FOXP1: variants seen among roughly 807,000 people sequenced by gnomAD.
FOXP1 encodes the protein forkhead box P1, also known as forkhead box protein P1.
In FOXP1, 15 loss-of-function variants were observed where a neutral mutation model predicts 98.2. That is an observed-to-expected ratio of 0.15 (90% CI 0.10 to 0.24). The LOEUF (loss-of-function observed/expected upper bound fraction) is 0.24. Among genes scored for constraint, FOXP1 ranks in the 10% least tolerant of loss-of-function variants. The pLI, the probability that FOXP1 is intolerant of heterozygous loss-of-function variation, is 1.00. For synonymous variants in FOXP1, 371 were observed against 314.5 expected, an observed-to-expected ratio of 1.18 and a Z score of -1.90; for missense variants, 633 against 848.5, an observed-to-expected ratio of 0.75 and a Z score of 3.15.
chr3:71,081,535 A>G (rs1204018959), intron 7 of FOXP1, among the ~76,000 whole-genome samples: 1 of 152,158 alleles, frequency 6.6e-6, no homozygotes, highest in Non-Finnish European at 1.5e-5. Context: ...CATTCTTTCC[A>G]TTGCTTCACG....
chr3:71,225,724 C>G (rs1399563037), intron 5 of FOXP1, among the ~76,000 whole-genome samples: 1 of 152,176 alleles, frequency 6.6e-6, no homozygotes, highest in East Asian at 1.9e-4. Flanking sequence ...CTTGCTTTCC[C>G]CTCCCTAGGT....
In FOXP1 at chr3:71,262,264, C is replaced by CAAAAAAAAAAAAAAAAAAAAAAAAA. The variant is rs71104433; in HGVS notation, c.-12+37531_-12+37555dup. Reference sequence around the variant, plus strand: ...CTGGCAACAGGACAAGACTCTGTCACAAAAAAAAAAAAAAAAAAAAAAAAA... The same window carrying CAAAAAAAAAAAAAAAAAAAAAAAAA: ...CTGGCAACAGGACAAGACTCTGTCACAAAAAAAAAAAAAAAAAAAAAAAAAAAAAAAAAAAAAAAAAAAAAAAAAA... On this transcript the variant is annotated intron_variant, in intron 5 of 20. Transcript: ENST00000649528. Among the ~76,000 whole-genome samples, 3 of 25,714 alleles carry CAAAAAAAAAAAAAAAAAAAAAAAAA rather than the reference C, an allele frequency of 1.2e-4. 1 individual carries two copies. The highest frequency in any genetic ancestry group is 2.1e-4 in the Non-Finnish European group (3 of 14,474). The allele number at this position is 25,714 out of a possible 152,430, so 16.9% of individuals were successfully genotyped here. A position where few individuals can be genotyped will look rare whatever the true frequency, so the allele number is the denominator to read the frequency against.
At chr3:71,441,382 A>G (rs942072448) in intron 3 of FOXP1, among the ~76,000 whole-genome samples, 2 of 152,246 alleles carry the variant, frequency 1.3e-5, no homozygotes, top group Admixed American at 6.5e-5. Context: ...CCCACAACAA[A>G]GAACTTTCTG....
At chr3:71,301,408 A>G (rs2073834780) in intron 4 of FOXP1, among the ~76,000 whole-genome samples, 1 of 152,176 alleles carries the variant, frequency 6.6e-6, no homozygotes, top group Non-Finnish European at 1.5e-5. Flanking sequence ...CTCTACACAA[A>G]TCAGAGCTCA....
chr3:71,578,532 G>A (rs1203335854), intron 2 of FOXP1, among the ~76,000 whole-genome samples: 1 of 152,132 alleles, frequency 6.6e-6, no homozygotes, highest in Admixed American at 6.5e-5. Context: ...ACAAGATAGT[G>A]TTTCAAAACT....
At chr3:71,440,238 T>C (rs116123005) in intron 3 of FOXP1, among the ~76,000 whole-genome samples, 1,879 of 152,228 alleles carry the variant, frequency 0.012, 19 homozygotes, top group Non-Finnish European at 0.019. Context: ...TTTAAGATGA[T>C]AAATTCTGTT....
At position 70,957,970 on chromosome 3, in the gene FOXP1, C is replaced by T. The variant is rs190489340; in HGVS notation, c.*1277G>A. 4.1e-6 allele frequency: 1 copy of T among 246,488 alleles called. No individual in the cohort carries two copies. Among genetic ancestry groups the T allele is most frequent in the Non-Finnish European group, 7.9e-6 (1 of 126,146 alleles). 15.3% of individuals were successfully genotyped at this position (246,488 alleles called of 1,614,324 possible). Reference sequence around the variant, plus strand: ...GCCGCCGCCACCCCTACTTTCAGGGCAGCTGCTCGGGGAAGCCGGTTTTTT... The same window carrying T: ...GCCGCCGCCACCCCTACTTTCAGGGTAGCTGCTCGGGGAAGCCGGTTTTTT... On this transcript the variant is annotated 3_prime_UTR_variant, in exon 21 of 21. Coordinates refer to ENST00000649528, the MANE Select transcript of FOXP1 (RefSeq NM_001349338.3).
At chr3:71,509,553 T>C (rs553546351) in intron 2 of FOXP1, among the ~76,000 whole-genome samples, 2 of 152,126 alleles carry the variant, frequency 1.3e-5, no homozygotes, top group East Asian at 1.9e-4. Flanking sequence ...GTATACATCA[T>C]GGGGGGAGGA....
At chr3:70,995,549 T>C (rs1436968401) in intron 13 of FOXP1, among the ~76,000 whole-genome samples, 2 of 152,190 alleles carry the variant, frequency 1.3e-5, no homozygotes, top group African/African-American at 2.4e-5. Context: ...TCGACCCAAA[T>C]GATTTTTATG....
chr3:71,279,508 G>T (rs2071286509), intron 5 of FOXP1, among the ~76,000 whole-genome samples: 1 of 152,120 alleles, frequency 6.6e-6, no homozygotes. Context: ...ACAAATCACA[G>T]CACAGTCTCC....
chr3:71,294,662 T>C (rs2073103990), intron 5 of FOXP1, among the ~76,000 whole-genome samples: 1 of 152,192 alleles, frequency 6.6e-6, no homozygotes, highest in South Asian at 2.1e-4. Context: ...TTGGAGCAAC[T>C]GAATCAATGA....
intron 2 of FOXP1, among the ~76,000 whole-genome samples, chr3:71,514,845 G>A (rs1285955091): frequency 6.6e-6 from 1 of 152,110 alleles, no homozygotes; most frequent in Non-Finnish European, 1.5e-5. Flanking sequence ...CCCAGTAAGG[G>A]ACTGAAACAT....
chr3:71,036,624 G>C (rs1164343799), intron 11 of FOXP1, among the ~76,000 whole-genome samples: 2 of 152,170 alleles, frequency 1.3e-5, no homozygotes, highest in Non-Finnish European at 2.9e-5. Flanking sequence ...GGAAACACAG[G>C]ATTTATAAGG....
intron 7 of FOXP1, among the ~76,000 whole-genome samples, chr3:71,069,048 A>G (rs74377853): frequency 0.036 from 5,416 of 152,310 alleles, 175 homozygotes; most frequent in East Asian, 0.086. Flanking sequence ...TTAGCTCCAT[A>G]TTGATATTGT....
At chr3:71,074,000 G>C (rs1388405717) in intron 7 of FOXP1, among the ~76,000 whole-genome samples, 3 of 152,146 alleles carry the variant, frequency 2.0e-5, no homozygotes, top group Non-Finnish European at 4.4e-5. Context: ...TCACAAACTG[G>C]GAAGCACGTA....
chr3:71,317,178 C>A (rs2075127497), intron 4 of FOXP1, among the ~76,000 whole-genome samples: 1 of 152,142 alleles, frequency 6.6e-6, no homozygotes, highest in South Asian at 2.1e-4. Context: ...CAAATTTCCA[C>A]CAGAGAGTTG....
At chr3:71,374,467 C>T (rs896900150) in intron 3 of FOXP1, among the ~76,000 whole-genome samples, 1 of 152,050 alleles carries the variant, frequency 6.6e-6, no homozygotes, top group African/African-American at 2.4e-5. Flanking sequence ...GTGGCACACA[C>T]CTGTAATCCC....
chr3:71,148,118 T>C (rs1392228295), intron 6 of FOXP1, among the ~76,000 whole-genome samples: 1 of 152,226 alleles, frequency 6.6e-6, no homozygotes, highest in Non-Finnish European at 1.5e-5. Flanking sequence ...GGCTCACGCC[T>C]GTAATCCCAG....
At chr3:71,452,872 G>A (rs1235006190) in intron 3 of FOXP1, among the ~76,000 whole-genome samples, 1 of 152,124 alleles carries the variant, frequency 6.6e-6, no homozygotes, top group Non-Finnish European at 1.5e-5. Flanking sequence ...CAAGGAATTT[G>A]AAGACCACTC....
Sources: allele counts gnomAD v4.1 joint callset (sites outside exome capture counted in the v4.1 genomes callset), GRCh38; gene constraint gnomAD v4.1.1; transcripts MANE v1.5; gene names NCBI Gene and HGNC (gene_info 2026-07-23, HGNC 2026-07-21).